Variants in CAB39 observed in about 807,000 individuals in gnomAD.
CAB39 encodes calcium binding protein 39, also known as calcium-binding protein 39.
In CAB39, 8 loss-of-function variants were observed where a neutral mutation model predicts 40.0. That is an observed-to-expected ratio of 0.20 (90% CI 0.12 to 0.36). The LOEUF is 0.36. Among genes scored for constraint, CAB39 ranks in the 10% least tolerant of loss-of-function variants. CAB39 has a pLI of 1.00. For missense variants in CAB39, 270 were observed against 401.1 expected (o/e 0.67, Z 2.79); for synonymous variants, 156 against 141.6 (o/e 1.10, Z -0.72).
At chr2:230,762,409 G>A (rs953657006) in intron 2 of CAB39, among the ~76,000 whole-genome samples, 12 of 152,154 alleles carry the variant, frequency 7.9e-5, no homozygotes, top group Non-Finnish European at 1.5e-5. Flanking sequence ...TCTCACAGTT[G>A]GACATCTTCA....
intron 1 of CAB39, among the ~76,000 whole-genome samples, chr2:230,748,073 CTA>C (rs1232246775): frequency 2.7e-5 from 4 of 150,736 alleles, no homozygotes; most frequent in African/African-American, 9.7e-5. Flanking sequence ...TTGTATTTGA[CTA>C]TATGAGGCTC....
At chr2:230,787,041 T>TA (rs2124952302) in intron 2 of CAB39, among the ~76,000 whole-genome samples, 1 of 152,302 alleles carries the variant, frequency 6.6e-6, no homozygotes, top group South Asian at 2.1e-4. Flanking sequence ...GAGGATGACT[T>TA]ACAAGCATTT....
At chr2:230,773,296 G>GTA (rs1695520972) in intron 2 of CAB39, among the ~76,000 whole-genome samples, 1 of 99,738 alleles carries the variant, frequency 1.0e-5, no homozygotes, top group African/African-American at 6.2e-5. Context: ...ATGGGTGTAT[G>GTA]TGTATATATA....
rs1258028080 is a variant in CAB39, at chr2:230,724,243, T to G, written c.-44+11013T>G. ...GCCTGGGTGACAGACCAAGACTGTC[T>G]CAAAAAAAAAAAAAAAGAAGATAGC... On this transcript the variant is annotated intron_variant, in intron 1 of 8. Coordinates refer to ENST00000258418, the MANE Select transcript of CAB39 (RefSeq NM_016289.4). 4.2e-5 allele frequency among the ~76,000 whole-genome samples: 5 copies of G among 120,364 alleles called. No individual in the cohort carries two copies. The East Asian group carries it at 1.1e-3, about 27-fold the overall frequency. The allele number at this position is 120,364 out of a possible 152,430, so 79.0% of individuals were successfully genotyped here. A position where few individuals can be genotyped will look rare whatever the true frequency, so the allele number is the denominator to read the frequency against.
At chr2:230,795,604 C>T (rs1203915485) in intron 4 of CAB39, among the ~76,000 whole-genome samples, 8 of 152,144 alleles carry the variant, frequency 5.3e-5, no homozygotes, top group South Asian at 4.1e-4. Context: ...TGGTGATGTT[C>T]GGATTGACCG....
intron 1 of CAB39, among the ~76,000 whole-genome samples, chr2:230,724,764 T>TTC (rs1264489537): frequency 5.3e-5 from 8 of 151,148 alleles, no homozygotes; most frequent in Non-Finnish European, 1.2e-4. Flanking sequence ...TTTTTTTTTT[T>TTC]TTTTTGAAAG....
At chr2:230,764,142 A>G (rs1179431320) in intron 2 of CAB39, among the ~76,000 whole-genome samples, 7 of 152,032 alleles carry the variant, frequency 4.6e-5, no homozygotes, top group Non-Finnish European at 1.0e-4. Flanking sequence ...AAAACAAAAC[A>G]AAGAAAGTAC....
At chr2:230,788,771 T>TTG (rs1695841589) in intron 2 of CAB39, among the ~76,000 whole-genome samples, 1 of 152,236 alleles carries the variant, frequency 6.6e-6, no homozygotes, top group Non-Finnish European at 1.5e-5. Context: ...AAGAAGTCTG[T>TTG]TGTCATTCTT....
chr2:230,725,317 G>T, intron 1 of CAB39: 1 of 1,573,916 alleles, frequency 6.4e-7, no homozygotes, highest in Non-Finnish European at 8.7e-7. Flanking sequence ...TCTTGCCCAG[G>T]ACTTCACCAA....
intron 1 of CAB39, among the ~76,000 whole-genome samples, chr2:230,723,196 G>C (rs888503531): frequency 6.6e-6 from 1 of 152,066 alleles, no homozygotes; most frequent in Non-Finnish European, 1.5e-5. Context: ...TGCAGGTTTG[G>C]TGAGTTTGCC....
At chr2:230,724,841 A>G (rs1694531051) in intron 1 of CAB39, among the ~76,000 whole-genome samples, 1 of 151,116 alleles carries the variant, frequency 6.6e-6, no homozygotes, top group Admixed American at 6.6e-5. Context: ...AAGGAGCCAA[A>G]TGGTATCAAA....
At chr2:230,804,182 A>G (rs1696147092) in intron 5 of CAB39, among the ~76,000 whole-genome samples, 1 of 152,250 alleles carries the variant, frequency 6.6e-6, no homozygotes, top group African/African-American at 2.4e-5. Context: ...GGTGCTGGGA[A>G]AACTGGCTAG....
At chr2:230,789,581 C>A (rs962868178) in intron 2 of CAB39, among the ~76,000 whole-genome samples, 1 of 152,200 alleles carries the variant, frequency 6.6e-6, no homozygotes, top group African/African-American at 2.4e-5. Flanking sequence ...GAAACAGGAG[C>A]TATTTCCAGC....
intron 2 of CAB39, among the ~76,000 whole-genome samples, chr2:230,772,603 G>A (rs549895414): frequency 3.2e-4 from 49 of 151,742 alleles, no homozygotes; most frequent in African/African-American, 1.1e-3. Flanking sequence ...TCCTGCCTCA[G>A]CCTCCCAAGT....
Position 230,746,645 on chromosome 2 carries a change from T to C in CAB39, c.-43-13314T>C, listed in dbSNP as rs368507428. 1.2e-4 allele frequency among the ~76,000 whole-genome samples: 18 copies of C among 152,270 alleles called. No homozygotes were observed. In the East Asian group the frequency reaches 1.3e-3, roughly 11 times the overall value. ...GCTTTGTGTGTAGCAATAGAGAAAT[T>C]ATAGGCACTTTGCTAGATTTCCTGC... is the stretch of plus-strand genomic sequence containing the variant. On this transcript the variant is annotated intron_variant, in intron 1 of 8. Transcript: ENST00000258418.
intron 2 of CAB39, among the ~76,000 whole-genome samples, chr2:230,774,680 T>C (rs757764938): frequency 3.0e-4 from 45 of 152,238 alleles, no homozygotes; most frequent in Middle Eastern, 3.4e-3. Context: ...ATGAGAGGAG[T>C]AAGTTTGCTG....
intron 7 of CAB39, 100 bp from the exon 8 acceptor site, chr2:230,817,653 CT>C (rs1696425723): frequency 1.1e-6 from 1 of 920,902 alleles, no homozygotes; most frequent in African/African-American, 1.7e-5. Flanking sequence ...TGAGTGCCTA[CT>C]AATACTCTAT....
At position 230,810,275 on chromosome 2, in the gene CAB39, A is replaced by G; in HGVS notation, c.580A>G (p.Arg194Gly). Residue 194 changes from arginine to glycine, a missense_variant, in exon 6 of 9, where the codon AGA becomes GGA. Transcript: ENST00000258418. ...TTTCTTTTTGTAGGATTTACTTACA[A>G]GACATAAATTGCTCAGTGCAGAATT... ...AFATFKDLLT[R>G]HKLLSAEFLE... 6.9e-7 allele frequency: 1 copy of G among 1,454,348 alleles called. No individual in the cohort carries two copies. Among genetic ancestry groups the G allele is most frequent in the South Asian group, 1.3e-5 (1 of 77,770 alleles). The allele number at this position is 1,454,348 out of a possible 1,614,324, so 90.1% of individuals were successfully genotyped here. A position where few individuals can be genotyped will look rare whatever the true frequency, so the allele number is the denominator to read the frequency against.
intron 2 of CAB39, among the ~76,000 whole-genome samples, chr2:230,774,524 G>T (rs1318569043): frequency 1.3e-5 from 2 of 152,170 alleles, no homozygotes; most frequent in African/African-American, 2.4e-5. Context: ...AACAGATGTG[G>T]TGTATGTGGG....
Sources: allele counts gnomAD v4.1 joint callset (sites outside exome capture counted in the v4.1 genomes callset), GRCh38; gene constraint gnomAD v4.1.1; transcripts MANE v1.5; gene names NCBI Gene and HGNC (gene_info 2026-07-23, HGNC 2026-07-21).